The following CFAP47 variants were observed in gnomAD, a reference collection of about 807,000 sequenced individuals.
CFAP47 encodes the protein cilia and flagella associated protein 47.
A neutral mutation model predicts 148.1 loss-of-function variants in CFAP47; 29 were observed. The ratio of observed to expected loss-of-function variants is 0.20; its 90% CI spans 0.15 to 0.27. The LOEUF (loss-of-function observed/expected upper bound fraction) is 0.27. CFAP47 is among the 10% of genes least tolerant of loss of function. The pLI is 1.00. For missense variants in CFAP47, 1,872 were observed against 1,697.5 expected (o/e 1.10, Z -1.81); for synonymous variants, 664 against 577.3 (o/e 1.15, Z -2.15).
intron 22 of CFAP47, among the ~76,000 whole-genome samples, chrX:36,023,383 C>G (rs1329325126): frequency 8.9e-6 from 1 of 111,769 alleles, no homozygotes; most frequent in Non-Finnish European, 1.9e-5. Context: ...GTGGCCACCA[C>G]CACTAGGACT....
At chrX:36,346,419 T>C (rs1430129274) in intron 57 of CFAP47, among the ~76,000 whole-genome samples, 2 of 111,223 alleles carry the variant, frequency 1.8e-5, no homozygotes, top group African/African-American at 6.5e-5. Context: ...TTCTAATCCA[T>C]TGGACCACAA....
At position 35,974,131 on chromosome X, in the gene CFAP47, C is replaced by T. The variant is rs141936824; in HGVS notation, c.2255-1016C>T. ...GAAACATAAACCAGGTTAAGTAGATCGAGAATAATAGAATGTTTTCATGGA... is the reference window on the plus strand; with the variant it reads ...GAAACATAAACCAGGTTAAGTAGATTGAGAATAATAGAATGTTTTCATGGA... On this transcript the variant is annotated intron_variant, in intron 13 of 63. Coordinates refer to ENST00000378653, the MANE Select transcript of CFAP47 (RefSeq NM_001304548.2). Among the ~76,000 whole-genome samples the T allele has an allele frequency of 4.7e-3, 520 of 111,248 alleles. 1 individual carries two copies. Among genetic ancestry groups the T allele is most frequent in the Non-Finnish European group, 6.3e-3 (336 of 53,066 alleles).
At chrX:35,973,655 G>A (rs1458060559) in intron 13 of CFAP47, among the ~76,000 whole-genome samples, 10 of 111,715 alleles carry the variant, frequency 9.0e-5, no homozygotes, top group Non-Finnish European at 1.9e-4. Context: ...GTGCTATAGA[G>A]TAGGAAGGCT....
chrX:36,235,306 A>G (rs1940441516), intron 46 of CFAP47, among the ~76,000 whole-genome samples: 1 of 112,091 alleles, frequency 8.9e-6, no homozygotes, highest in South Asian at 3.7e-4. Flanking sequence ...GTTTACCTAA[A>G]CAAGCCTGGG....
chrX:35,939,636 A>C (rs1188865599), intron 2 of CFAP47, among the ~76,000 whole-genome samples: 2 of 79,458 alleles, frequency 2.5e-5, no homozygotes, highest in Non-Finnish European at 4.8e-5. Context: ...ATCATTTTTT[A>C]TGGCTGCATA....
chrX:36,375,658 C>T (rs1334679932), intron 62 of CFAP47, among the ~76,000 whole-genome samples: 1 of 112,352 alleles, frequency 8.9e-6, no homozygotes, highest in African/African-American at 3.2e-5. Flanking sequence ...CCTGATTCTT[C>T]GTGATCTTTC....
intron 33 of CFAP47, among the ~76,000 whole-genome samples, chrX:36,126,503 A>C (rs1291091931): frequency 8.9e-6 from 1 of 111,824 alleles, no homozygotes; most frequent in Non-Finnish European, 1.9e-5. Flanking sequence ...TTATTGATGG[A>C]CATTTGGGTT....
chrX:35,948,513 C>A (rs930151909), intron 4 of CFAP47, 61 bp downstream of exon 4: 9 of 913,595 alleles, frequency 9.9e-6, no homozygotes, highest in Non-Finnish European at 1.2e-5. Flanking sequence ...CCCGTTTAAC[C>A]CTGCAGATGT....
intron 21 of CFAP47, among the ~76,000 whole-genome samples, chrX:36,003,967 C>CTTTTTTTTTTTTTTT (rs761024902): frequency 9.0e-5 from 6 of 66,388 alleles, no homozygotes; most frequent in South Asian, 6.5e-4. Flanking sequence ...CTTTCTTTTT[C>CTTTTTTTTTTTTTTT]TTTTTTTTTT....
chrX:36,007,548 C>T (rs1469017496), intron 21 of CFAP47, among the ~76,000 whole-genome samples: 1 of 111,972 alleles, frequency 8.9e-6, no homozygotes, highest in Non-Finnish European at 1.9e-5. Context: ...TGATAGGGCT[C>T]GTCTTTTCTT....
At chrX:36,133,173 G>A (rs143807239) in intron 33 of CFAP47, among the ~76,000 whole-genome samples, 93 of 111,165 alleles carry the variant, frequency 8.4e-4, no homozygotes, top group African/African-American at 2.7e-3. Flanking sequence ...TATAGACTCT[G>A]CATCTTCTTG....
intron 61 of CFAP47, among the ~76,000 whole-genome samples, chrX:36,362,673 T>A (rs1435680375): frequency 8.9e-6 from 1 of 111,939 alleles, no homozygotes; most frequent in African/African-American, 3.2e-5. Context: ...GATATAATGA[T>A]CTATTTTTCT....
At chrX:36,167,298 T>A (rs1216434979) in intron 39 of CFAP47, among the ~76,000 whole-genome samples, 1 of 111,828 alleles carries the variant, frequency 8.9e-6, no homozygotes, top group African/African-American at 3.3e-5. Context: ...TAAAGCCCGC[T>A]TCTCTCCTCA....
chrX:36,028,252 T>A (rs1411394162), intron 22 of CFAP47, among the ~76,000 whole-genome samples: 1 of 111,502 alleles, frequency 9.0e-6, no homozygotes, highest in African/African-American at 3.2e-5. Context: ...AAGAGCTTCT[T>A]CTATGTTTTC....
chrX:36,073,605 A>G (rs978455836), intron 29 of CFAP47, among the ~76,000 whole-genome samples: 4 of 110,927 alleles, frequency 3.6e-5, no homozygotes, highest in African/African-American at 1.3e-4. Flanking sequence ...TTAGGCAAGC[A>G]CTGAACATCT....
intron 45 of CFAP47, chrX:36,211,649 GA>G: frequency 4.8e-6 from 1 of 206,915 alleles, no homozygotes; most frequent in Non-Finnish European, 9.2e-6. Context: ...TGTAAAGGTT[GA>G]AAACAGTAAG....
chrX:35,979,065 C>T (rs1190664858), intron 15 of CFAP47, among the ~76,000 whole-genome samples: 1 of 111,473 alleles, frequency 9.0e-6, no homozygotes, highest in Non-Finnish European at 1.9e-5. Context: ...GCAACCTCCA[C>T]CTCCCGGGTT....
chrX:35,923,871 A>ATGTATATATGTACATATATG (rs1935621446), intron 1 of CFAP47, among the ~76,000 whole-genome samples: 1 of 94,573 alleles, frequency 1.1e-5, no homozygotes, highest in Non-Finnish European at 2.0e-5. Flanking sequence ...ATGTACATAT[A>ATGTATATATGTACATATATG]TGTATATATG....
intron 33 of CFAP47, among the ~76,000 whole-genome samples, chrX:36,116,211 C>T (rs1938637376): frequency 9.0e-6 from 1 of 111,645 alleles, no homozygotes; most frequent in African/African-American, 3.3e-5. Context: ...TCCTTGACCT[C>T]CTCCCACTCT....
Sources: gnomAD v4.1 joint callset for allele counts (sites outside exome capture counted in the v4.1 genomes callset) on GRCh38, gnomAD v4.1.1 for gene constraint, MANE v1.5 for transcripts, NCBI Gene and HGNC (gene_info 2026-07-23, HGNC 2026-07-21) for gene names.